The following GALNT12 variants were observed in gnomAD, a reference collection of about 807,000 sequenced individuals.
GALNT12 encodes the protein UDP-GalNAc:polypeptide N-acetylgalactosaminyltransferase 12.
In GALNT12, 45 loss-of-function variants were observed where a neutral mutation model predicts 55.5. The observed-to-expected ratio is 0.81, with a 90% CI of 0.64 to 1.04. The LOEUF (loss-of-function observed/expected upper bound fraction) is 1.04. GALNT12 is among the 50% of genes least tolerant of loss of function. The probability of loss-of-function intolerance (pLI) is 0.00; values close to 1 mark genes in which losing one functional copy is unlikely to be tolerated. For synonymous variants in GALNT12, 304 were observed against 312.2 expected (o/e 0.97, Z 0.28); for missense variants, 709 against 754.8 (o/e 0.94, Z 0.71).
chr9:98,847,811 C>CTTTT (rs754967420), intron 9 of GALNT12, among the ~76,000 whole-genome samples: 7 of 123,056 alleles, frequency 5.7e-5, no homozygotes, highest in East Asian at 2.3e-4. Context: ...AGGGCTGGAT[C>CTTTT]TTTTTTTTTT....
chr9:98,840,875 C>A (rs1488960014), intron 7 of GALNT12, among the ~76,000 whole-genome samples: 1 of 152,176 alleles, frequency 6.6e-6, no homozygotes, highest in Non-Finnish European at 1.5e-5. Context: ...TCTTTTTAAG[C>A]AAATCCCGGG....
chr9:98,820,713 C>T (rs775570898), intron 1 of GALNT12, among the ~76,000 whole-genome samples: 1 of 152,232 alleles, frequency 6.6e-6, no homozygotes, highest in African/African-American at 2.4e-5. Context: ...ACACTCCCAA[C>T]AACAGTGTAA....
chr9:98,837,773 G>A (rs1419716872), intron 6 of GALNT12, among the ~76,000 whole-genome samples: 2 of 152,312 alleles, frequency 1.3e-5, no homozygotes, highest in East Asian at 3.9e-4. Context: ...AGAAGGCGGT[G>A]TGTGCCCTTG....
rs776520276 is a variant in GALNT12, at chr9:98,839,999, C to G, written c.1213-3C>G. 6.2e-7 allele frequency: 1 copy of G among 1,613,956 alleles called. No individual in the cohort carries two copies. On this transcript the variant is annotated splice_region_variant and splice_polypyrimidine_tract_variant and intron_variant, in intron 6 of 9. Transcript: ENST00000375011. The stretch of plus-strand genomic sequence containing the variant: ...GGGTCTCACTGTTTTGTTGTTTTCT[C>G]AGGAACCTTTTGGGGATGTGACAGA...
chr9:98,826,978 T>C, intron 3 of GALNT12, 37 bp downstream of exon 3: 1 of 1,547,354 alleles, frequency 6.5e-7, no homozygotes, highest in Non-Finnish European at 8.7e-7. Context: ...GACAGCATGT[T>C]ACCTGGAGTA....
intron 1 of GALNT12, among the ~76,000 whole-genome samples, chr9:98,813,286 C>T (rs1161040108): frequency 6.6e-6 from 1 of 152,210 alleles, no homozygotes; most frequent in Non-Finnish European, 1.5e-5. Context: ...CTGGTTTGCA[C>T]CATTGCTATG....
chr9:98,845,128 G>A (rs1447650173), intron 8 of GALNT12, among the ~76,000 whole-genome samples: 1 of 152,092 alleles, frequency 6.6e-6, no homozygotes, highest in Non-Finnish European at 1.5e-5. Flanking sequence ...CTTCCTCAAA[G>A]CTGATGGTAC....
At chr9:98,845,391 C>T (rs960652914) in intron 8 of GALNT12, among the ~76,000 whole-genome samples, 21 of 152,246 alleles carry the variant, frequency 1.4e-4, no homozygotes, top group African/African-American at 5.1e-4. Context: ...CATAAGGAAT[C>T]CTTATTCCGT....
chr9:98,823,511 TA>T (rs1799829975), intron 2 of GALNT12, 86 bp downstream of exon 2: 1 of 1,213,968 alleles, frequency 8.2e-7, no homozygotes, highest in African/African-American at 1.5e-5. Flanking sequence ...AGGGCTAAAG[TA>T]GGCCCAGTAA....
At chr9:98,808,400 A>G (rs1033778765) in intron 1 of GALNT12, among the ~76,000 whole-genome samples, 5 of 152,130 alleles carry the variant, frequency 3.3e-5, no homozygotes, top group African/African-American at 1.2e-4. Flanking sequence ...CACCCAAAGG[A>G]CAACCCCGCT....
At chr9:98,824,022 A>G (rs1835807407) in intron 2 of GALNT12, among the ~76,000 whole-genome samples, 1 of 152,216 alleles carries the variant, frequency 6.6e-6, no homozygotes, top group African/African-American at 2.4e-5. Flanking sequence ...CAAGTCTGTA[A>G]CAGCAGGTAG....
At chr9:98,834,317 C>T (rs1830646) in intron 4 of GALNT12, among the ~76,000 whole-genome samples, 47,956 of 151,954 alleles carry the variant, frequency 0.32, 7,836 homozygotes, top group East Asian at 0.37. Flanking sequence ...GACAGGTTTT[C>T]GCCATATTAA....
At chr9:98,842,270 A>T (rs557667222) in intron 7 of GALNT12, among the ~76,000 whole-genome samples, 3 of 152,116 alleles carry the variant, frequency 2.0e-5, no homozygotes, top group Non-Finnish European at 2.9e-5. Context: ...TGTAGCCTGG[A>T]TCACTGGGCT....
At chr9:98,809,838 C>T (rs1835456379) in intron 1 of GALNT12, among the ~76,000 whole-genome samples, 1 of 152,180 alleles carries the variant, frequency 6.6e-6, no homozygotes, top group African/African-American at 2.4e-5. Flanking sequence ...ATCTGTGGGG[C>T]TTATGGTAAC....
Position 98,807,853 on chromosome 9 carries a change from C to T in GALNT12, c.155C>T (p.Pro52Leu), listed in dbSNP as rs1588436185. Residue 52 changes from proline to leucine, a missense_variant, in exon 1 of 10, where the codon CCC (proline) becomes CTC (leucine). By Grantham distance (98) the Pro-to-Leu change is moderately conservative. This residue lies in a region of GALNT12 where 110 missense variants were observed against 102.2 expected (regional missense o/e 1.08). Transcript: ENST00000375011. ...GGGGCCGGGGCTGCCGAGCCGGGAC[C>T]CCCGCGCACCCCGCGCCCCGGGCGG... ...GAGAGAAEPGPPRTPRPGRRE... is the reference protein window; with the variant it reads ...GAGAGAAEPGLPRTPRPGRRE... 1.5e-5 allele frequency: 15 copies of T among 1,003,784 alleles called. No homozygotes were observed. The highest frequency in any genetic ancestry group is 9.0e-5 in the South Asian group (2 of 22,336). The allele number at this position is 1,003,784 out of a possible 1,614,324, so 62.2% of individuals were successfully genotyped here.
chr9:98,848,700 G>T, intron 9 of GALNT12: 2 of 548,278 alleles, frequency 3.6e-6, no homozygotes, highest in Middle Eastern at 5.0e-4. Context: ...GGAGATGTAG[G>T]GTATGACACA....
At chr9:98,842,087 T>C (rs980190394) in intron 7 of GALNT12, among the ~76,000 whole-genome samples, 3 of 151,840 alleles carry the variant, frequency 2.0e-5, no homozygotes, top group Non-Finnish European at 4.4e-5. Flanking sequence ...TTTTTTGTTG[T>C]GGCTCATTGT....
chr9:98,816,250 A>G (rs1432779404), intron 1 of GALNT12, among the ~76,000 whole-genome samples: 1 of 152,202 alleles, frequency 6.6e-6, no homozygotes, highest in African/African-American at 2.4e-5. Flanking sequence ...AAAGAGGAAC[A>G]TTTTAAAGCT....
intron 2 of GALNT12, among the ~76,000 whole-genome samples, chr9:98,823,703 C>T (rs916736109): frequency 5.9e-5 from 9 of 152,160 alleles, no homozygotes; most frequent in African/African-American, 2.2e-4. Flanking sequence ...AGGGCCAGAT[C>T]TGGAAGGGCC....
Sources: gnomAD v4.1 joint callset for allele counts (sites outside exome capture counted in the v4.1 genomes callset) on GRCh38, gnomAD v4.1.1 for gene constraint, gnomAD v4.1.1 regional missense constraint, MANE v1.5 for transcripts, NCBI Gene and HGNC (gene_info 2026-07-23, HGNC 2026-07-21) for gene names.